Variants in SNX29 observed in about 807,000 individuals in gnomAD.
SNX29 encodes the protein sorting nexin 29.
Under a neutral mutation model 102.1 loss-of-function variants are expected in SNX29, and 78 were observed. The ratio of observed to expected loss-of-function variants is 0.76; its 90% confidence interval spans 0.64 to 0.92. SNX29 has a LOEUF of 0.92. Ranked by LOEUF, SNX29 falls within the 40% of genes least tolerant of loss-of-function variation. The pLI, the probability that SNX29 is intolerant of heterozygous loss-of-function variation, is 0.00. For synonymous variants in SNX29, 580 were observed against 414.5 expected (o/e 1.40, Z -4.85); for missense variants, 1,280 against 1,061.7 (o/e 1.21, Z -2.86).
chr16:12,461,365 C>T (rs971569993), intron 18 of SNX29, among the ~76,000 whole-genome samples: 1 of 152,164 alleles, frequency 6.6e-6, no homozygotes, highest in African/African-American at 2.4e-5. Context: ...GGTTTTGCTG[C>T]TTCTATTACT....
At chr16:12,555,239 T>A (rs562347379) in intron 20 of SNX29, among the ~76,000 whole-genome samples, 5 of 150,578 alleles carry the variant, frequency 3.3e-5, no homozygotes, top group Admixed American at 2.0e-4. Context: ...GAAATGGAGG[T>A]GAGAGATGAG....
chr16:12,269,743 C>G (rs1039397958), intron 14 of SNX29, among the ~76,000 whole-genome samples: 1 of 152,146 alleles, frequency 6.6e-6, no homozygotes, highest in Non-Finnish European at 1.5e-5. Context: ...TCAGTGTGAG[C>G]TATCATCGAC....
intron 18 of SNX29, among the ~76,000 whole-genome samples, chr16:12,476,084 G>C (rs1480537457): frequency 6.6e-6 from 1 of 151,850 alleles, no homozygotes; most frequent in Non-Finnish European, 1.5e-5. Flanking sequence ...ACTTTGTGAG[G>C]CCAAGGCAGG....
At chr16:12,458,077 C>G (rs115516407) in intron 18 of SNX29, among the ~76,000 whole-genome samples, 5,175 of 152,280 alleles carry the variant, frequency 0.034, 280 homozygotes, top group African/African-American at 0.12. Flanking sequence ...ACCATAAGCA[C>G]AGTCTTGCAG....
chr16:12,548,266 G>A (rs912204328), intron 20 of SNX29, among the ~76,000 whole-genome samples: 3 of 152,186 alleles, frequency 2.0e-5, no homozygotes, highest in Non-Finnish European at 2.9e-5. Flanking sequence ...CTCACCAGAT[G>A]TGGACCTGAC....
chr16:12,544,685 C>G (rs375373232), intron 20 of SNX29, among the ~76,000 whole-genome samples: 12 of 152,344 alleles, frequency 7.9e-5, no homozygotes, highest in African/African-American at 2.2e-4. Flanking sequence ...AGCGCTGTCA[C>G]TCGAATTCTC....
chr16:12,009,170 T>G (rs1244172116), intron 3 of SNX29, among the ~76,000 whole-genome samples: 1 of 152,100 alleles, frequency 6.6e-6, no homozygotes, highest in East Asian at 1.9e-4. Flanking sequence ...CTGAACAAAG[T>G]GAGTCAAATT....
At chr16:12,001,428 C>CATT (rs111923604) in intron 2 of SNX29, among the ~76,000 whole-genome samples, 28 of 151,722 alleles carry the variant, frequency 1.8e-4, no homozygotes, top group African/African-American at 6.0e-4. Flanking sequence ...TTATTATTAT[C>CATT]ATTATTATTA....
At position 12,403,437 on chromosome 16, in the gene SNX29, C is replaced by T. The variant is rs1245597170; in HGVS notation, c.1956-11C>T. On this transcript the variant is annotated splice_polypyrimidine_tract_variant and intron_variant, in intron 17 of 20. Transcript: ENST00000566228. ...GTCTAATGTTGGTCTCTCTCTCTTC[C>T]TTTTGGTTAGATCAAACCGGGCGCT... The T allele has an allele frequency of 1.3e-6, 2 of 1,599,812 alleles. No individual in the cohort carries two copies. Among genetic ancestry groups the T allele is most frequent in the South Asian group, 2.3e-5 (2 of 88,256 alleles).
At chr16:12,480,496 C>T (rs1489324521) in intron 19 of SNX29, among the ~76,000 whole-genome samples, 1 of 152,160 alleles carries the variant, frequency 6.6e-6, no homozygotes, top group Non-Finnish European at 1.5e-5. Flanking sequence ...ATTAATCCCC[C>T]GACCCCACCC....
chr16:12,352,143 TAAAG>T (rs1464509075), intron 15 of SNX29, among the ~76,000 whole-genome samples: 1 of 152,142 alleles, frequency 6.6e-6, no homozygotes, highest in African/African-American at 2.4e-5. Context: ...TAGACTGGAT[TAAAG>T]AAATGTGGCA....
At chr16:12,461,888 G>A (rs1263576115) in intron 18 of SNX29, among the ~76,000 whole-genome samples, 2 of 144,934 alleles carry the variant, frequency 1.4e-5, no homozygotes, top group Non-Finnish European at 3.0e-5. Flanking sequence ...CATGGGAGGC[G>A]GAGGTTGCAG....
intron 3 of SNX29, among the ~76,000 whole-genome samples, chr16:12,017,869 A>G (rs2056896592): frequency 6.6e-6 from 1 of 151,636 alleles, no homozygotes; most frequent in Admixed American, 6.6e-5. Flanking sequence ...ATGCTTCCAT[A>G]TGTATTAGGA....
At chr16:12,034,977 C>G (rs1034476010) in intron 4 of SNX29, among the ~76,000 whole-genome samples, 1 of 152,046 alleles carries the variant, frequency 6.6e-6, no homozygotes, top group East Asian at 1.9e-4. Flanking sequence ...TGCCCTGGCA[C>G]TCCAGCCTGG....
intron 18 of SNX29, among the ~76,000 whole-genome samples, chr16:12,448,914 C>G (rs1008622936): frequency 6.6e-6 from 1 of 152,192 alleles, no homozygotes; most frequent in Non-Finnish European, 1.5e-5. Context: ...TCACTAGGCT[C>G]TACCCATAGG....
chr16:12,238,532 C>T (rs2078007091), intron 14 of SNX29, among the ~76,000 whole-genome samples: 1 of 152,148 alleles, frequency 6.6e-6, no homozygotes, highest in East Asian at 1.9e-4. Context: ...CCATGTTGGC[C>T]AGGCTGGTCT....
At chr16:12,565,048 A>C (rs866122699) in intron 20 of SNX29, among the ~76,000 whole-genome samples, 1 of 152,060 alleles carries the variant, frequency 6.6e-6, no homozygotes, top group Admixed American at 6.6e-5. Flanking sequence ...CACTGGCTTC[A>C]TTCCCCTGTA....
At position 12,569,686 on chromosome 16, in the gene SNX29, AC is replaced by A; in HGVS notation, c.*1059del. ...GTCAGGTGGCTCTCAGAGTACAGGG[AC>A]CTTGGCAGGTGGAGAGGAGGATGGG... On this transcript the variant is annotated 3_prime_UTR_variant, in exon 21 of 21. Transcript: ENST00000566228. 2 of 230,180 alleles carry A rather than the reference AC, an allele frequency of 8.7e-6. No individual in the cohort carries two copies. The highest frequency in any genetic ancestry group is 1.7e-5 in the Non-Finnish European group (2 of 116,168). 14.3% of individuals were successfully genotyped at this position (230,180 alleles called of 1,614,324 possible).
rs1051363054 is a variant in SNX29, at chr16:12,569,800, C to A, written c.*1171C>A. The A allele has an allele frequency of 4.3e-6, 1 of 230,374 alleles. No homozygotes were observed. Among genetic ancestry groups the A allele is most frequent in the African/African-American group, 2.2e-5 (1 of 45,174 alleles). 14.3% of individuals were successfully genotyped at this position (230,374 alleles called of 1,614,324 possible). A position where few individuals can be genotyped will look rare whatever the true frequency, so the allele number is the denominator to read the frequency against. ...AGAGCAATAGCCGTCCTCAGATGCT[C>A]AGCAAAGTTGTGGCAGTTTGCATTT... is the stretch of plus-strand genomic sequence containing the variant. On this transcript the variant is annotated 3_prime_UTR_variant, in exon 21 of 21. Coordinates refer to ENST00000566228, the MANE Select transcript of SNX29 (RefSeq NM_032167.5).
Sources: gnomAD v4.1 joint callset for allele counts (sites outside exome capture counted in the v4.1 genomes callset) on GRCh38, gnomAD v4.1.1 for gene constraint, MANE v1.5 for transcripts, NCBI Gene and HGNC (gene_info 2026-07-23, HGNC 2026-07-21) for gene names.